Variants in EGFLAM observed in about 807,000 individuals in gnomAD.
EGFLAM encodes the protein EGF like, fibronectin type III and laminin G domains.
In EGFLAM, 79 loss-of-function variants were observed where a neutral mutation model predicts 113.1. The ratio of observed to expected loss-of-function variants is 0.70; its 90% CI spans 0.58 to 0.84. The LOEUF (loss-of-function observed/expected upper bound fraction) is 0.84, where lower values mean the gene tolerates loss of function less well. Among genes scored for constraint, EGFLAM ranks in the 40% least tolerant of loss-of-function variants. EGFLAM has a pLI of 0.00. For missense variants in EGFLAM, 1,265 were observed against 1,291.6 expected, an observed-to-expected ratio of 0.98 and a Z score of 0.32; for synonymous variants, 504 against 487.6, an observed-to-expected ratio of 1.03 and a Z score of -0.44.
chr5:38,444,324 G>A (rs1019800307), intron 17 of EGFLAM, among the ~76,000 whole-genome samples: 3 of 152,184 alleles, frequency 2.0e-5, no homozygotes, highest in Non-Finnish European at 4.4e-5. Flanking sequence ...AGAGAGAAGT[G>A]GGGAATAGGA....
intron 1 of EGFLAM, among the ~76,000 whole-genome samples, chr5:38,263,461 C>CA (rs955109663): frequency 9.2e-5 from 14 of 151,420 alleles, no homozygotes; most frequent in African/African-American, 2.2e-4. Flanking sequence ...GACTCTGTCT[C>CA]AAAAAAAAGA....
intron 1 of EGFLAM, among the ~76,000 whole-genome samples, chr5:38,278,325 A>T (rs1202324363): frequency 2.0e-5 from 3 of 152,182 alleles, no homozygotes; most frequent in African/African-American, 7.2e-5. Context: ...GCCAGGAAAA[A>T]AAACTGGACA....
intron 3 of EGFLAM, chr5:38,346,436 G>A (rs1284760370): frequency 6.6e-6 from 1 of 152,162 alleles, no homozygotes; most frequent in Non-Finnish European, 1.5e-5. Context: ...AGCAAATTGT[G>A]AACTTTTCAG....
intron 18 of EGFLAM, among the ~76,000 whole-genome samples, chr5:38,449,177 C>T (rs929623152): frequency 1.3e-5 from 2 of 152,174 alleles, no homozygotes; most frequent in Non-Finnish European, 2.9e-5. Flanking sequence ...CACAATCATT[C>T]TGGGATTTTC....
chr5:38,383,353 T>C (rs1354824414), intron 6 of EGFLAM, among the ~76,000 whole-genome samples: 1 of 150,360 alleles, frequency 6.7e-6, no homozygotes, highest in Non-Finnish European at 1.5e-5. Context: ...TCAGAAAGAA[T>C]TACAACAATG....
chr5:38,461,767 G>C (rs577944713), intron 20 of EGFLAM, among the ~76,000 whole-genome samples: 24 of 152,258 alleles, frequency 1.6e-4, no homozygotes, highest in African/African-American at 5.5e-4. Context: ...GGGCTGGATA[G>C]GTTTGAAAAA....
intron 1 of EGFLAM, among the ~76,000 whole-genome samples, chr5:38,271,604 A>AC: frequency 6.6e-6 from 1 of 152,190 alleles, no homozygotes; most frequent in East Asian, 1.9e-4. Flanking sequence ...TGTTGATCTG[A>AC]CCCCTTGGAA....
intron 1 of EGFLAM, among the ~76,000 whole-genome samples, chr5:38,331,556 T>G (rs1376940203): frequency 6.6e-6 from 1 of 152,266 alleles, no homozygotes; most frequent in South Asian, 2.1e-4. Context: ...ATGTGGAAAC[T>G]TTGAGGATTG....
chr5:38,278,439 T>A (rs1450365942), intron 1 of EGFLAM, among the ~76,000 whole-genome samples: 1 of 151,574 alleles, frequency 6.6e-6, no homozygotes, highest in Non-Finnish European at 1.5e-5. Context: ...ACTATTAAAT[T>A]ACCAGAAGAA....
At chr5:38,412,983 G>C (rs984399518) in intron 11 of EGFLAM, among the ~76,000 whole-genome samples, 7 of 152,080 alleles carry the variant, frequency 4.6e-5, no homozygotes, top group Non-Finnish European at 1.5e-5. Context: ...ATCAAAGCCA[G>C]CAGTAGAAGA....
Position 38,407,129 on chromosome 5 carries a change from G to T in EGFLAM, c.1130G>T (p.Gly377Val). ...SRCQCTLGKG[G>V]ESCSEDIVIQ... The stretch of plus-strand genomic sequence containing the variant: ...TGCCAGTGCACCCTGGGCAAAGGTG[G>T]TGAGAGCTGCTCAGAAGGTAGGCCC... The change falls in exon 8 of 22, where the codon GGT becomes GTT. Residue 377 changes from glycine (G) to valine (V), a missense_variant. Gly to Val is a moderately radical substitution (Grantham distance 109, BLOSUM62 -3). Coordinates refer to ENST00000322350, the MANE Select transcript of EGFLAM (RefSeq NM_152403.4). 1.2e-6 allele frequency: 2 copies of T among 1,613,374 alleles called. No individual in the cohort carries two copies. The highest frequency in any genetic ancestry group is 1.7e-6 in the Non-Finnish European group (2 of 1,179,994).
intron 19 of EGFLAM, 189 bp downstream of exon 19, chr5:38,451,647 A>G: frequency 1.2e-6 from 1 of 840,708 alleles, no homozygotes; most frequent in Non-Finnish European, 1.7e-6. Context: ...AGCAGTCAGC[A>G]AACTATGGCC....
intron 1 of EGFLAM, among the ~76,000 whole-genome samples, chr5:38,274,466 C>A (rs1177574532): frequency 2.6e-5 from 4 of 151,924 alleles, no homozygotes; most frequent in Non-Finnish European, 5.9e-5. Flanking sequence ...AGAAAAGGAG[C>A]AAATAACATA....
At chr5:38,411,610 G>A (rs1437390463) in intron 10 of EGFLAM, among the ~76,000 whole-genome samples, 1 of 148,072 alleles carries the variant, frequency 6.8e-6, no homozygotes, top group Non-Finnish European at 1.5e-5. Flanking sequence ...ATCCTCCTGA[G>A]TAGCTAGGAT....
At chr5:38,320,812 C>T (rs909305018) in intron 1 of EGFLAM, among the ~76,000 whole-genome samples, 10 of 151,964 alleles carry the variant, frequency 6.6e-5, no homozygotes, top group East Asian at 1.9e-4. Context: ...GAGGAACCAC[C>T]GGGGAAAGGC....
chr5:38,425,912 G>A (rs1741990284), intron 13 of EGFLAM, among the ~76,000 whole-genome samples: 1 of 152,178 alleles, frequency 6.6e-6, no homozygotes, highest in South Asian at 2.1e-4. Context: ...CGGATCACGA[G>A]GCCAACGTGG....
chr5:38,378,774 A>T lies in EGFLAM; in HGVS notation c.712+8312A>T, dbSNP rs73075440. Among the ~76,000 whole-genome samples the T allele has an allele frequency of 9.1e-3, 1,379 of 152,330 alleles. 29 individuals are homozygous for T. Among genetic ancestry groups the T allele is most frequent in the African/African-American group, 0.032 (1,337 of 41,578 alleles). ...TACCTTGCTGTGGGACCTCCTCAGA[A>T]AAGACACTTAGTATCTCTGGGTCTC... On this transcript the variant is annotated intron_variant, in intron 6 of 21. Coordinates refer to ENST00000322350, the MANE Select transcript of EGFLAM (RefSeq NM_152403.4).
At chr5:38,291,880 A>G (rs1361696941) in intron 1 of EGFLAM, among the ~76,000 whole-genome samples, 3 of 152,210 alleles carry the variant, frequency 2.0e-5, no homozygotes, top group East Asian at 1.9e-4. Context: ...CCTCGCTTAC[A>G]TGTTTCTGAA....
At chr5:38,305,422 C>A (rs1381743462) in intron 1 of EGFLAM, 5 of 453,656 alleles carry the variant, frequency 1.1e-5, no homozygotes, top group Non-Finnish European at 2.2e-5. Context: ...TCCTTTACAT[C>A]TTTTCTCAGG....
Sources: allele counts gnomAD v4.1 joint callset (sites outside exome capture counted in the v4.1 genomes callset), GRCh38; gene constraint gnomAD v4.1.1; transcripts MANE v1.5; gene names NCBI Gene and HGNC (gene_info 2026-07-23, HGNC 2026-07-21).